The following FRY variants were observed in gnomAD, a reference collection of about 807,000 sequenced individuals.
The protein encoded by FRY is protein furry homolog.
FRY carries 128 observed loss-of-function variants against 348.4 expected under a neutral mutation model. That is an observed-to-expected ratio of 0.37 (90% confidence interval 0.32 to 0.43). FRY has a LOEUF of 0.43. Among genes scored for constraint, FRY ranks in the 20% least tolerant of loss-of-function variants. The pLI, the probability that FRY is intolerant of heterozygous loss-of-function variation, is 1.00. For synonymous variants in FRY, 1,370 were observed against 1,374.7 expected (o/e 1.00, Z 0.08); for missense variants, 2,736 against 3,695.2 (o/e 0.74, Z 6.73).
At chr13:32,279,840 A>G (rs1035168374) in intron 58 of FRY, among the ~76,000 whole-genome samples, 1 of 152,224 alleles carries the variant, frequency 6.6e-6, no homozygotes, top group Non-Finnish European at 1.5e-5. Flanking sequence ...TTATTGAGCA[A>G]GTTTGCAGTC....
chr13:32,266,142 A>G (rs1424259141), intron 54 of FRY, among the ~76,000 whole-genome samples: 1 of 152,214 alleles, frequency 6.6e-6, no homozygotes, highest in Non-Finnish European at 1.5e-5. Flanking sequence ...CACAAATAAT[A>G]ATGCTACAGA....
intron 7 of FRY, 88 bp from the exon 8 acceptor site, chr13:32,131,584 C>T: frequency 1.1e-6 from 1 of 874,706 alleles, no homozygotes; most frequent in African/African-American, 1.6e-5. Context: ...TTCCATTGCT[C>T]TGCTCAATCA....
chr13:32,192,223 A>G (rs1404459330), intron 28 of FRY, among the ~76,000 whole-genome samples: 1 of 152,230 alleles, frequency 6.6e-6, no homozygotes, highest in Admixed American at 6.5e-5. Flanking sequence ...TTTCTAAAGT[A>G]CAATAAAAGC....
chr13:32,073,850 A>G (rs995765788), intron 1 of FRY, among the ~76,000 whole-genome samples: 14 of 152,188 alleles, frequency 9.2e-5, no homozygotes. Flanking sequence ...TTATATGAGG[A>G]CGCTCATTTC....
rs1355367706 is a variant in FRY at position 32,079,042 on chromosome 13, A to C, written c.270+9A>C. The C allele has an allele frequency of 6.3e-7, 1 of 1,595,936 alleles. No individual in the cohort carries two copies. The highest frequency in any genetic ancestry group is 1.7e-5 in the Admixed American group (1 of 59,996). The stretch of plus-strand genomic sequence containing the variant: ...TTATGGCAGAGCCCCTGGTGAGTAC[A>C]TGCCGTGGAAACTGCCTCTTTGAAA... On this transcript the variant is annotated intron_variant, in intron 2 of 60. Transcript: ENST00000542859.
chr13:32,140,189 C>A (rs1879975098), intron 11 of FRY, among the ~76,000 whole-genome samples: 1 of 151,986 alleles, frequency 6.6e-6, no homozygotes, highest in African/African-American at 2.4e-5. Context: ...ACATTATGAG[C>A]AGGTGAGTGG....
chr13:32,283,294 G>T (rs1262837993), intron 58 of FRY, among the ~76,000 whole-genome samples: 1 of 152,146 alleles, frequency 6.6e-6, no homozygotes, highest in African/African-American at 2.4e-5. Flanking sequence ...AGTGTAGACT[G>T]CCCTATATGG....
intron 3 of FRY, among the ~76,000 whole-genome samples, chr13:32,117,027 C>T (rs887943104): frequency 2.0e-5 from 3 of 152,020 alleles, no homozygotes; most frequent in Non-Finnish European, 4.4e-5. Flanking sequence ...GGCAGATGAA[C>T]GTGGGAACAT....
chr13:32,065,054 A>G (rs1874171028), intron 1 of FRY, among the ~76,000 whole-genome samples: 1 of 152,186 alleles, frequency 6.6e-6, no homozygotes, highest in Non-Finnish European at 1.5e-5. Context: ...ATGGTGTTCA[A>G]TTCTTTAATA....
At chr13:32,038,061 C>T (rs1472625605) in intron 1 of FRY, among the ~76,000 whole-genome samples, 1 of 152,188 alleles carries the variant, frequency 6.6e-6, no homozygotes, top group African/African-American at 2.4e-5. Flanking sequence ...CACATTACCT[C>T]ATTTGACGAG....
chr13:32,237,846 A>T lies in FRY; in HGVS notation c.6278A>T (p.Lys2093Met). 6.2e-7 allele frequency: 1 copy of T among 1,614,156 alleles called. No homozygotes were observed. Among genetic ancestry groups the T allele is most frequent in the Non-Finnish European group, 8.5e-7 (1 of 1,180,036 alleles). ...CTTGAGAAACTCCAGGCACAGCTGA[A>T]GTGGGCCGACTTCTCCGGGCTGCAG... ...EKLEKLQAQL[K>M]WADFSGLQQL... Residue 2093 changes from lysine (K) to methionine (M), a missense_variant, in exon 44 of 61, where the codon AAG becomes ATG. Physicochemically the swap from Lys to Met is moderately conservative, Grantham distance 95. Transcript: ENST00000542859. This position sits in a 1 kb window ranked among gnomAD's most constrained non-coding sequence, Gnocchi z 6.3.
chr13:32,237,712 A>G lies in FRY; in HGVS notation c.6144A>G (p.Thr2048=). ...TGCTGGCCACCATATTCTGGGTCAC[A>G]GTGGCCTTGATGGAGTCTGATTTTG... is the stretch of plus-strand genomic sequence containing the variant. ...TNLLATIFWV[T]VALMESDFEF... Residue 2048 remains threonine, a synonymous_variant, in exon 44 of 61, where the codon ACA becomes ACG. Transcript: ENST00000542859. The surrounding 1 kb of genome is among the most constrained non-coding windows in gnomAD (Gnocchi z 6.3). The G allele has an allele frequency of 6.2e-7, 1 of 1,614,212 alleles. No homozygotes were observed. The highest frequency in any genetic ancestry group is 1.1e-5 in the South Asian group (1 of 91,084).
At chr13:32,205,451 A>G (rs562518592) in intron 31 of FRY, among the ~76,000 whole-genome samples, 1 of 152,336 alleles carries the variant, frequency 6.6e-6, no homozygotes, top group Non-Finnish European at 1.5e-5. Context: ...AGACCATTGC[A>G]TATGCATCAG....
At chr13:32,120,027 A>G (rs755667228) in intron 4 of FRY, among the ~76,000 whole-genome samples, 34 of 152,144 alleles carry the variant, frequency 2.2e-4, no homozygotes, top group Non-Finnish European at 4.7e-4. Context: ...TTCCCTTTTG[A>G]CTAAAGAGAA....
intron 2 of FRY, among the ~76,000 whole-genome samples, chr13:32,090,889 C>T (rs148654237): frequency 9.2e-5 from 14 of 152,052 alleles, no homozygotes; most frequent in Middle Eastern, 3.4e-3. Flanking sequence ...TGAGCAAAAC[C>T]ACTGCAAATA....
At chr13:32,255,562 C>T (rs1360060532) in intron 51 of FRY, among the ~76,000 whole-genome samples, 1 of 152,138 alleles carries the variant, frequency 6.6e-6, no homozygotes, top group Non-Finnish European at 1.5e-5. Flanking sequence ...CCCTGGAAAA[C>T]AAGTTGAGCA....
At chr13:32,034,541 C>A (rs1872408922) in intron 1 of FRY, among the ~76,000 whole-genome samples, 1 of 152,210 alleles carries the variant, frequency 6.6e-6, no homozygotes, top group African/African-American at 2.4e-5. Context: ...TTCCTGTCCC[C>A]TTGGATGTCT....
At chr13:32,121,130 C>T (rs913232151) in intron 4 of FRY, among the ~76,000 whole-genome samples, 5 of 152,170 alleles carry the variant, frequency 3.3e-5, no homozygotes, top group Admixed American at 6.5e-5. Context: ...GCATAGTATT[C>T]GATCATATAT....
chr13:32,179,102 A>G (rs1169931008), intron 22 of FRY, 69 bp downstream of exon 22: 3 of 1,223,388 alleles, frequency 2.5e-6, no homozygotes, highest in Non-Finnish European at 3.6e-6. Context: ...TAGAGTTCAC[A>G]GTGCAAATTG....
Sources: allele counts gnomAD v4.1 joint callset (sites outside exome capture counted in the v4.1 genomes callset), GRCh38; gene constraint gnomAD v4.1.1; non-coding constraint Gnocchi (gnomAD v3.1); transcripts MANE v1.5; gene names NCBI Gene and HGNC (gene_info 2026-07-23, HGNC 2026-07-21).